The following PDZRN3 variants were observed in gnomAD, a reference collection of about 807,000 sequenced individuals.
The protein encoded by PDZRN3 is PDZ domain containing ring finger 3.
PDZRN3 carries 38 observed loss-of-function variants against 85.7 expected under a neutral mutation model. The ratio of observed to expected loss-of-function variants is 0.44; its 90% CI spans 0.34 to 0.58. The LOEUF (loss-of-function observed/expected upper bound fraction) is 0.58. Among genes scored for constraint, PDZRN3 ranks in the 20% least tolerant of loss-of-function variants. The pLI, the probability that PDZRN3 is intolerant of heterozygous loss-of-function variation, is 0.01. For synonymous variants in PDZRN3, 759 were observed against 638.0 expected, an observed-to-expected ratio of 1.19 and a Z score of -2.86; for missense variants, 1,629 against 1,506.4, an observed-to-expected ratio of 1.08 and a Z score of -1.35.
At chr3:73,413,592 T>C (rs1702015415) in intron 3 of PDZRN3, among the ~76,000 whole-genome samples, 1 of 152,148 alleles carries the variant, frequency 6.6e-6, no homozygotes, top group Non-Finnish European at 1.5e-5. Flanking sequence ...GTGACCCAGG[T>C]CTGCCTGGCT....
chr3:73,436,033 G>T (rs189521563), intron 3 of PDZRN3, among the ~76,000 whole-genome samples: 369 of 152,234 alleles, frequency 2.4e-3, no homozygotes, highest in African/African-American at 7.9e-3. Flanking sequence ...TGCTGGAACC[G>T]CTCTTCCCTT....
intron 5 of PDZRN3, among the ~76,000 whole-genome samples, chr3:73,393,827 C>A (rs961592693): frequency 6.6e-6 from 1 of 152,136 alleles, no homozygotes; most frequent in Non-Finnish European, 1.5e-5. Flanking sequence ...TGGCCTACTA[C>A]CAAACATGTA....
At chr3:73,438,695 C>G (rs746852898) in intron 3 of PDZRN3, among the ~76,000 whole-genome samples, 2 of 152,224 alleles carry the variant, frequency 1.3e-5, no homozygotes, top group Non-Finnish European at 2.9e-5. Context: ...CACAGATTCA[C>G]TAACTTGTCT....
At chr3:73,388,097 G>T in intron 7 of PDZRN3, 28 bp from the exon 8 acceptor site, 2 of 1,027,028 alleles carry the variant, frequency 1.9e-6, no homozygotes, top group South Asian at 1.5e-5. Context: ...GGGGTGGGGA[G>T]AGTGGGGAGA....
chr3:73,416,350 A>G (rs532072161), intron 3 of PDZRN3, among the ~76,000 whole-genome samples: 1 of 152,246 alleles, frequency 6.6e-6, no homozygotes, highest in African/African-American at 2.4e-5. Context: ...TGCAAACACT[A>G]AATTTCAAAA....
intron 3 of PDZRN3, among the ~76,000 whole-genome samples, chr3:73,557,921 A>AT (rs1701735288): frequency 1.3e-5 from 2 of 152,162 alleles, no homozygotes; most frequent in Admixed American, 6.5e-5. Flanking sequence ...TATGACCTCA[A>AT]TTTTTTTCTA....
intron 3 of PDZRN3, chr3:73,408,030 C>A: frequency 3.1e-6 from 2 of 640,220 alleles, no homozygotes; most frequent in South Asian, 1.8e-5. Context: ...CAGCTGGGTT[C>A]CACAGAAACG....
intron 1 of PDZRN3, among the ~76,000 whole-genome samples, chr3:73,616,322 A>G (rs1235325667): frequency 2.8e-3 from 2 of 716 alleles, no homozygotes; most frequent in Non-Finnish European, 0.024. Flanking sequence ...ATAGACTAAG[A>G]TAGAAAGCAA....
chr3:73,401,892 C>G (rs1701756916), intron 4 of PDZRN3: 1 of 152,212 alleles, frequency 6.6e-6, no homozygotes, highest in Admixed American at 6.5e-5. Flanking sequence ...AATCAATGGG[C>G]TCTAGTCTTC....
chr3:73,529,501 G>T (rs887395433), intron 3 of PDZRN3, among the ~76,000 whole-genome samples: 8 of 152,170 alleles, frequency 5.3e-5, no homozygotes, highest in Non-Finnish European at 1.2e-4. Context: ...CCACCTTTGG[G>T]ACTCCTTCTG....
Position 73,529,073 on chromosome 3 carries a change from T to C in PDZRN3, c.918+73281A>G, listed in dbSNP as rs547122865. On this transcript the variant is annotated intron_variant, in intron 3 of 9. Coordinates refer to ENST00000263666, the MANE Select transcript of PDZRN3 (RefSeq NM_015009.3). ...TTCAGGGGTTTTTGTTTTGTGTCTC[T>C]GTGGCTAGGGCTGTGGAGCAAGGAT... Among the ~76,000 whole-genome samples the C allele has an allele frequency of 3.2e-4, 48 of 152,284 alleles. 1 individual carries two copies. The highest frequency in any genetic ancestry group is 3.1e-3 in the Admixed American group (48 of 15,306).
intron 1 of PDZRN3, among the ~76,000 whole-genome samples, chr3:73,617,244 T>C (rs915916684): frequency 6.6e-6 from 1 of 152,196 alleles, no homozygotes; most frequent in Admixed American, 6.5e-5. Flanking sequence ...CCTCTGCTCT[T>C]TAAATTCCCT....
At chr3:73,457,144 C>A (rs1703001004) in intron 3 of PDZRN3, among the ~76,000 whole-genome samples, 1 of 152,086 alleles carries the variant, frequency 6.6e-6, no homozygotes, top group Non-Finnish European at 1.5e-5. Context: ...GTGATCTCGG[C>A]TCACCGCAAC....
chr3:73,389,928 T>C, intron 6 of PDZRN3, 50 bp from the exon 7 acceptor site: 1 of 1,303,900 alleles, frequency 7.7e-7, no homozygotes, highest in Non-Finnish European at 1.1e-6. Context: ...TGCATGAAAA[T>C]AAGCAACAGC....
At chr3:73,560,496 T>C (rs761379637) in intron 3 of PDZRN3, among the ~76,000 whole-genome samples, 4 of 152,200 alleles carry the variant, frequency 2.6e-5, no homozygotes, top group African/African-American at 9.7e-5. Context: ...CCACTGTATA[T>C]GTGGTGGAAG....
rs1173751644 is a variant in PDZRN3, at chr3:73,471,298, G to C, written c.919-66903C>G. Among the ~76,000 whole-genome samples the C allele has an allele frequency of 2.0e-5, 3 of 152,034 alleles. No individual in the cohort carries two copies. In the East Asian group the frequency reaches 5.8e-4, roughly 29 times the overall value. ...CAGCAGCTAGGAAGAAGCAAAAAAA[G>C]GTCCCCCCCCAGGTTTCACAAGGAA... On this transcript the variant is annotated intron_variant, in intron 3 of 9. Coordinates refer to ENST00000263666, the MANE Select transcript of PDZRN3 (RefSeq NM_015009.3).
At chr3:73,623,823 T>C (rs1026394665) in intron 1 of PDZRN3, 12 of 346,770 alleles carry the variant, frequency 3.5e-5, no homozygotes, top group African/African-American at 2.5e-4. Flanking sequence ...ATTCTTATCC[T>C]ACACTTGCTT....
intron 3 of PDZRN3, among the ~76,000 whole-genome samples, chr3:73,509,337 C>T (rs117549532): frequency 6.6e-6 from 1 of 152,218 alleles, no homozygotes; most frequent in African/African-American, 2.4e-5. Context: ...AGGGCGGACC[C>T]AGGAGGACGC....
intron 3 of PDZRN3, among the ~76,000 whole-genome samples, chr3:73,419,267 T>C (rs373385061): frequency 1.7e-4 from 26 of 152,062 alleles, no homozygotes; most frequent in Admixed American, 1.7e-3. Flanking sequence ...TTATGTCAAA[T>C]GTAAGGCTGG....
Sources: allele counts gnomAD v4.1 joint callset (sites outside exome capture counted in the v4.1 genomes callset), GRCh38; gene constraint gnomAD v4.1.1; transcripts MANE v1.5; gene names NCBI Gene and HGNC (gene_info 2026-07-23, HGNC 2026-07-21).